Variants in SENP5 observed in about 807,000 individuals in gnomAD.
The protein encoded by SENP5 is SUMO specific peptidase 5, also known as sentrin-specific protease 5.
A neutral mutation model predicts 74.2 loss-of-function variants in SENP5; 21 were observed. That is an observed-to-expected ratio of 0.28 (90% CI 0.20 to 0.41). The LOEUF (loss-of-function observed/expected upper bound fraction) is 0.41, where lower values mean the gene tolerates loss of function less well. SENP5 is among the 10% of genes least tolerant of loss of function. The pLI is 1.00. For synonymous variants in SENP5, 311 were observed against 312.7 expected, an observed-to-expected ratio of 0.99 and a Z score of 0.06; for missense variants, 717 against 889.1, an observed-to-expected ratio of 0.81 and a Z score of 2.46.
At chr3:196,916,836 T>TA (rs1286679624) in intron 6 of SENP5, among the ~76,000 whole-genome samples, 8 of 145,962 alleles carry the variant, frequency 5.5e-5, no homozygotes, top group Non-Finnish European at 9.1e-5. Context: ...CATATTTTTT[T>TA]AAAAAAATAA....
chr3:196,923,661 A>AAAG lies in SENP5; in HGVS notation c.2022+110_2022+111insAAG. 3 of 690,678 alleles carry AAAG rather than the reference A, an allele frequency of 4.3e-6. No homozygotes were observed. The South Asian group carries it at 6.2e-5, about 14-fold the overall frequency. The allele number at this position is 690,678 out of a possible 1,614,324, so 42.8% of individuals were successfully genotyped here. On this transcript the variant is annotated intron_variant, in intron 7 of 9. Transcript: ENST00000323460. ...AAACCATATAGGAACAGTTTATGTC[A>AAAG]TGAAAATCCTCCAAAGTGTTAGCTG...
At position 196,872,962 on chromosome 3, in the gene SENP5, AT is replaced by A. The variant is rs570508792; in HGVS notation, c.-32+4894del. On this transcript the variant is annotated intron_variant, in intron 1 of 9. Transcript: ENST00000323460. The stretch of plus-strand genomic sequence containing the variant: ...TTTAAATCATTTGACCAATCCTTTT[AT>A]TTTTAGCGTCATATTCATATTCACA... Among the ~76,000 whole-genome samples the A allele has an allele frequency of 4.4e-3, 665 of 151,126 alleles. 3 individuals carry two copies. The highest frequency in any genetic ancestry group is 0.01 in the Middle Eastern group (3 of 288).
chr3:196,914,586 A>AAAAAAAAAAAAAATATATATATATAT, intron 6 of SENP5: 2 of 33,500 alleles, frequency 6.0e-5, no homozygotes, highest in Non-Finnish European at 1.0e-4. Flanking sequence ...AAAAAAAAAA[A>AAAAAAAAAAAAAATATATATATATAT]ATATATATAT....
chr3:196,903,485 G>T, intron 5 of SENP5, 48 bp from the exon 6 acceptor site: 1 of 1,188,618 alleles, frequency 8.4e-7, no homozygotes. Flanking sequence ...GTTAAATCTG[G>T]GCACAGCCTA....
At chr3:196,869,353 G>A (rs965636323) in intron 1 of SENP5, among the ~76,000 whole-genome samples, 11 of 151,750 alleles carry the variant, frequency 7.2e-5, no homozygotes, top group Non-Finnish European at 1.6e-4. Flanking sequence ...ACAGGTGCCC[G>A]CCATCGCGCC....
chr3:196,910,756 G>A (rs1715090554), intron 6 of SENP5, among the ~76,000 whole-genome samples: 3 of 152,116 alleles, frequency 2.0e-5, no homozygotes, highest in Admixed American at 2.0e-4. Flanking sequence ...AAAAGAGCCT[G>A]TATAGCCAAG....
At position 196,931,098 on chromosome 3, in the gene SENP5, T is replaced by C. The variant is rs116463600; in HGVS notation, c.*175T>C. The C allele has an allele frequency of 1.7e-3, 979 of 580,456 alleles. 5 individuals carry two copies. Among genetic ancestry groups the C allele is most frequent in the African/African-American group, 0.016 (867 of 53,550 alleles). 36.0% of individuals were successfully genotyped at this position (580,456 alleles called of 1,614,324 possible). A position where few individuals can be genotyped will look rare whatever the true frequency, so the allele number is the denominator to read the frequency against. On this transcript the variant is annotated 3_prime_UTR_variant, in exon 10 of 10. Transcript: ENST00000323460. ...TCATTTCTCCAGCTACCATGTACTA[T>C]TGTTTAATGTTCAGTTTGGTTTCAT...
At chr3:196,888,238 C>T (rs1165471268) in intron 2 of SENP5, among the ~76,000 whole-genome samples, 1 of 152,136 alleles carries the variant, frequency 6.6e-6, no homozygotes, top group African/African-American at 2.4e-5. Context: ...AGTTTGCTAG[C>T]AGCTGTTTAA....
chr3:196,912,653 A>G (rs1715185179), intron 6 of SENP5: 1 of 152,228 alleles, frequency 6.6e-6, no homozygotes, highest in Non-Finnish European at 1.5e-5. Context: ...CCTGTTCTGC[A>G]CATGTATCCC....
intron 1 of SENP5, among the ~76,000 whole-genome samples, chr3:196,882,384 C>T (rs922878341): frequency 3.9e-5 from 6 of 152,146 alleles, no homozygotes; most frequent in Non-Finnish European, 7.4e-5. Context: ...AGCAATAACT[C>T]CCTTTTCTCC....
intron 6 of SENP5, chr3:196,914,532 C>T (rs1221370719): frequency 8.1e-6 from 1 of 123,016 alleles, no homozygotes; most frequent in African/African-American, 3.2e-5. Context: ...GAGGCTGAGG[C>T]AGGAGCATTA....
chr3:196,889,321 CA>C (rs1714109624), intron 2 of SENP5, among the ~76,000 whole-genome samples: 2 of 152,164 alleles, frequency 1.3e-5, no homozygotes, highest in South Asian at 4.1e-4. Flanking sequence ...CCACAAATGC[CA>C]GTTAACCTTT....
chr3:196,903,670 G>A (rs1192658927), intron 6 of SENP5, 60 bp downstream of exon 6: 1 of 1,012,122 alleles, frequency 9.9e-7, no homozygotes, highest in Non-Finnish European at 1.5e-6. Flanking sequence ...ACCACTTTGT[G>A]TGGAAGGATA....
At chr3:196,906,028 T>C (rs567763087) in intron 6 of SENP5, among the ~76,000 whole-genome samples, 16 of 152,286 alleles carry the variant, frequency 1.1e-4, no homozygotes, top group African/African-American at 3.9e-4. Context: ...AAGATCAGCC[T>C]GGCCAACATG....
At chr3:196,897,448 A>G (rs1011241135) in intron 2 of SENP5, among the ~76,000 whole-genome samples, 2 of 152,218 alleles carry the variant, frequency 1.3e-5, no homozygotes, top group African/African-American at 4.8e-5. Context: ...CTAGAGCAGA[A>G]TGGACGTGAG....
intron 5 of SENP5, 60 bp from the exon 6 acceptor site, chr3:196,903,466 TCTTTTGA>T: frequency 1.0e-6 from 1 of 990,864 alleles, no homozygotes; most frequent in Non-Finnish European, 1.5e-6. Context: ...TAAAATTTCC[TCTTTTGA>T]AGTTAAATCT....
chr3:196,885,639 A>G lies in SENP5; in HGVS notation c.458A>G (p.Asn153Ser), dbSNP rs114361326. The change falls in exon 2 of 10, where the codon AAT (asparagine) becomes AGT (serine). Residue 153 changes from asparagine (N) to serine (S), a missense_variant. This residue lies in a region of SENP5 where 567 missense variants were observed against 577.4 expected (regional missense o/e 0.98). Coordinates refer to ENST00000323460, the MANE Select transcript of SENP5 (RefSeq NM_152699.5). ...TCAAATAGTGCTTTAGGTCAGGCCA[A>G]TGGTCACAGACCTAGGACAGACCCA... ...FPSNSALGQA[N>S]GHRPRTDPQP... is the part of the protein sequence containing the mutation. 189 of 1,614,228 alleles carry G rather than the reference A, an allele frequency of 1.2e-4. 1 individual carries two copies. The African/African-American group carries it at 1.5e-3, about 13-fold the overall frequency.
intron 1 of SENP5, among the ~76,000 whole-genome samples, chr3:196,874,753 C>G (rs1363017548): frequency 6.6e-6 from 1 of 152,110 alleles, no homozygotes. Flanking sequence ...GTGGCGCATG[C>G]CTGTAATCCC....
chr3:196,887,219 C>T (rs893398988), intron 2 of SENP5, among the ~76,000 whole-genome samples: 2 of 151,482 alleles, frequency 1.3e-5, no homozygotes, highest in African/African-American at 4.9e-5. Flanking sequence ...CTTACTCTGT[C>T]GCCAGGCTGG....
Sources: gnomAD v4.1 joint callset for allele counts (sites outside exome capture counted in the v4.1 genomes callset) on GRCh38, gnomAD v4.1.1 for gene constraint, gnomAD v4.1.1 regional missense constraint, MANE v1.5 for transcripts, NCBI Gene and HGNC (gene_info 2026-07-23, HGNC 2026-07-21) for gene names.